Variants in GUCY1B1 observed in about 807,000 individuals in gnomAD.
The protein encoded by GUCY1B1 is guanylate cyclase soluble subunit beta-1.
Under a neutral mutation model 71.0 loss-of-function variants are expected in GUCY1B1, and 43 were observed. That is an observed-to-expected ratio of 0.61 (90% confidence interval 0.47 to 0.78). The LOEUF (loss-of-function observed/expected upper bound fraction) is 0.78. Ranked by LOEUF, GUCY1B1 falls within the 30% of genes least tolerant of loss-of-function variation. The probability of loss-of-function intolerance (pLI) is 0.00; values close to 1 mark genes in which losing one functional copy is unlikely to be tolerated. For synonymous variants in GUCY1B1, 266 were observed against 259.7 expected (o/e 1.02, Z -0.23); for missense variants, 535 against 754.1 (o/e 0.71, Z 3.40).
In GUCY1B1 at chr4:155,791,754, A is replaced by AT. The variant is rs200573216; in HGVS notation, c.495+1843_495+1844insT. On this transcript the variant is annotated intron_variant, in intron 5 of 13. Transcript: ENST00000264424. ...ATCAAAAAAATAGAGAAAAAAAAAAAAATAAAGCAAAACAAAACGAAAAAC... is the reference window on the plus strand; with the variant it reads ...ATCAAAAAAATAGAGAAAAAAAAAAATAATAAAGCAAAACAAAACGAAAAAC... Among the ~76,000 whole-genome samples the AT allele has an allele frequency of 6.8e-3, 946 of 139,550 alleles. 12 individuals are homozygous for AT. Among genetic ancestry groups the AT allele is most frequent in the African/African-American group, 0.024 (909 of 37,892 alleles). 91.6% of individuals were successfully genotyped at this position (139,550 alleles called of 152,430 possible).
intron 2 of GUCY1B1, among the ~76,000 whole-genome samples, chr4:155,764,043 A>T (rs1410042732): frequency 6.6e-6 from 1 of 152,138 alleles, no homozygotes; most frequent in African/African-American, 2.4e-5. Flanking sequence ...AGTAATCATC[A>T]TCATCATCAT....
chr4:155,759,323 G>A (rs1376998242), intron 1 of GUCY1B1, 180 bp downstream of exon 1: 1 of 602,604 alleles, frequency 1.7e-6, no homozygotes, highest in Non-Finnish European at 2.8e-6. Context: ...GCCGCGAGTC[G>A]TGGCGGGGGC....
chr4:155,777,700 A>G, intron 4 of GUCY1B1, 58 bp downstream of exon 4: 2 of 825,538 alleles, frequency 2.4e-6, no homozygotes, highest in Non-Finnish European at 2.1e-6. Flanking sequence ...TCAAATATAG[A>G]CTCTAGAATA....
At position 155,802,599 on chromosome 4, in the gene GUCY1B1, G is replaced by T; in HGVS notation, c.1413+20G>T. On this transcript the variant is annotated intron_variant, in intron 10 of 13. Coordinates refer to ENST00000264424, the MANE Select transcript of GUCY1B1 (RefSeq NM_000857.5). The surrounding 1 kb of genome is among the most constrained non-coding windows in gnomAD (Gnocchi z 4.3). ...TATAAGGCAAGTGTTCTTTATCGCT[G>T]ACTGCAGAGCTATCCAGAGGCTGGC... 6.5e-7 allele frequency: 1 copy of T among 1,544,296 alleles called. No homozygotes were observed. Among genetic ancestry groups the T allele is most frequent in the South Asian group, 1.3e-5 (1 of 77,534 alleles).
At position 155,759,092 on chromosome 4, in the gene GUCY1B1, G is replaced by A; in HGVS notation, c.-49G>A. ...TGCCGCCTCTGCCTGGGTCCCTTCG[G>A]CCGTACCTCTGCGTGGGGGCTGCCT... On this transcript the variant is annotated 5_prime_UTR_variant, in exon 1 of 14. Coordinates refer to ENST00000264424, the MANE Select transcript of GUCY1B1 (RefSeq NM_000857.5). 6.3e-7 allele frequency: 1 copy of A among 1,580,774 alleles called. No homozygotes were observed. The highest frequency in any genetic ancestry group is 8.6e-7 in the Non-Finnish European group (1 of 1,163,356).
chr4:155,803,778 G>A lies in GUCY1B1; in HGVS notation c.1554+14G>A. ...GAATCTGTTCAGGTTAGTAAATGAA[G>A]TAGATATTGTAATAATGGTATGTAA... On this transcript the variant is annotated intron_variant, in intron 11 of 13. Coordinates refer to ENST00000264424, the MANE Select transcript of GUCY1B1 (RefSeq NM_000857.5). The A allele has an allele frequency of 1.3e-6, 2 of 1,521,428 alleles. No individual in the cohort carries two copies. Among genetic ancestry groups the A allele is most frequent in the Non-Finnish European group, 1.8e-6 (2 of 1,130,958 alleles). 94.2% of individuals were successfully genotyped at this position (1,521,428 alleles called of 1,614,324 possible). A position where few individuals can be genotyped will look rare whatever the true frequency, so the allele number is the denominator to read the frequency against.
At chr4:155,759,550 G>A (rs552086598) in intron 1 of GUCY1B1, 2 of 542,540 alleles carry the variant, frequency 3.7e-6, no homozygotes, top group East Asian at 3.2e-5. Flanking sequence ...AGGTGAGGAG[G>A]GTGGGAAGAT....
chr4:155,759,789 C>G lies in GUCY1B1; in HGVS notation c.6C>G (p.Tyr2Ter), dbSNP rs766482486. 1 of 1,611,740 alleles carries G rather than the reference C, an allele frequency of 6.2e-7. No homozygotes were observed. The highest frequency in any genetic ancestry group is 8.5e-7 in the Non-Finnish European group (1 of 1,178,122). M[Y>*]GFVNHALELL... is the part of the protein sequence containing the mutation. ...CAAGTCTCTCCCTGTCCCCGCAGTA[C>G]GGATTTGTGAATCACGCCCTGGAGT... The change falls in exon 2 of 14, where the codon TAC (tyrosine) becomes TAG (stop). Residue 2 changes from tyrosine to a stop codon, truncating the protein, a stop_gained and splice_region_variant. Transcript: ENST00000264424. LOFTEE classifies it high-confidence loss of function.
chr4:155,759,749 C>T (rs1736835899), intron 1 of GUCY1B1, 38 bp from the exon 2 acceptor site: 3 of 1,490,666 alleles, frequency 2.0e-6, no homozygotes, highest in Non-Finnish European at 2.8e-6. Context: ...TCAGGTACAG[C>T]GGGTCCCTGA....
At chr4:155,794,751 C>T (rs1025552274) in intron 6 of GUCY1B1, among the ~76,000 whole-genome samples, 1 of 152,172 alleles carries the variant, frequency 6.6e-6, no homozygotes, top group African/African-American at 2.4e-5. Flanking sequence ...GAAATGGAAG[C>T]AGAGTAGTGT....
At chr4:155,795,642 C>CAA (rs1357196845) in intron 7 of GUCY1B1, among the ~76,000 whole-genome samples, 185 bp downstream of exon 7, 1 of 152,110 alleles carries the variant, frequency 6.6e-6, no homozygotes, top group Admixed American at 6.5e-5. Flanking sequence ...GGAACTCTAT[C>CAA]AACTGATTAA....
chr4:155,761,005 G>T (rs1736963846), intron 2 of GUCY1B1, among the ~76,000 whole-genome samples: 1 of 152,136 alleles, frequency 6.6e-6, no homozygotes, highest in East Asian at 1.9e-4. Context: ...AATGACCAGG[G>T]TTATATATTA....
chr4:155,774,695 G>C (rs1364679902), intron 2 of GUCY1B1, among the ~76,000 whole-genome samples: 2 of 152,016 alleles, frequency 1.3e-5, no homozygotes, highest in African/African-American at 4.8e-5. Flanking sequence ...ATATTTAATG[G>C]CAGGTATTGT....
chr4:155,786,570 T>C (rs975757955), intron 4 of GUCY1B1, among the ~76,000 whole-genome samples: 3 of 145,420 alleles, frequency 2.1e-5, no homozygotes, highest in Non-Finnish European at 4.5e-5. Context: ...CCCGGGTTCA[T>C]GCCATTCTCC....
At chr4:155,797,416 A>G (rs538808307) in intron 8 of GUCY1B1, among the ~76,000 whole-genome samples, 16 of 152,174 alleles carry the variant, frequency 1.1e-4, no homozygotes, top group African/African-American at 2.4e-5. Context: ...TGTATTATAC[A>G]TTACATAACA....
chr4:155,770,420 T>C (rs564345561), intron 2 of GUCY1B1, among the ~76,000 whole-genome samples: 1 of 152,344 alleles, frequency 6.6e-6, no homozygotes, highest in South Asian at 2.1e-4. Context: ...TCCGATTATA[T>C]ATAAATTTAC....
intron 12 of GUCY1B1, 81 bp downstream of exon 12, chr4:155,804,828 G>A: frequency 7.6e-7 from 1 of 1,313,226 alleles, no homozygotes; most frequent in Non-Finnish European, 1.1e-6. Flanking sequence ...GAGAGATTTT[G>A]TTGCTTTAAC....
At chr4:155,796,266 C>A (rs1400980516) in intron 7 of GUCY1B1, 111 bp from the exon 8 acceptor site, 9 of 957,888 alleles carry the variant, frequency 9.4e-6, no homozygotes, top group Non-Finnish European at 1.5e-5. Context: ...TCTAATGATG[C>A]ACTTATTCTG....
intron 4 of GUCY1B1, among the ~76,000 whole-genome samples, chr4:155,785,861 C>G (rs1738726742): frequency 6.6e-6 from 1 of 152,138 alleles, no homozygotes. Flanking sequence ...CAGGAGAGCA[C>G]TTTACTTGTT....
Sources: gnomAD v4.1 joint callset for allele counts (sites outside exome capture counted in the v4.1 genomes callset) on GRCh38, gnomAD v4.1.1 for gene constraint, Gnocchi (gnomAD v3.1) non-coding constraint, MANE v1.5 for transcripts, NCBI Gene and HGNC (gene_info 2026-07-23, HGNC 2026-07-21) for gene names.